GTF2H1: variants seen among roughly 807,000 people sequenced by gnomAD.
GTF2H1 encodes the protein BTF2 p62.
GTF2H1 carries 16 observed loss-of-function variants against 71.2 expected under a neutral mutation model. That is an observed-to-expected ratio of 0.22 (90% CI 0.15 to 0.34). The LOEUF (loss-of-function observed/expected upper bound fraction) is 0.34, where lower values mean the gene tolerates loss of function less well. Among genes scored for constraint, GTF2H1 ranks in the 10% least tolerant of loss-of-function variants. The pLI, the probability that GTF2H1 is intolerant of heterozygous loss-of-function variation, is 1.00. For synonymous variants in GTF2H1, 215 were observed against 219.0 expected (o/e 0.98, Z 0.16); for missense variants, 498 against 648.2 (o/e 0.77, Z 2.52).
At position 18,360,710 on chromosome 11, in the gene GTF2H1, A is replaced by G. The variant is rs144296744; in HGVS notation, c.1560+3A>G. The G allele has an allele frequency of 1.7e-5, 25 of 1,475,516 alleles. No individual in the cohort carries two copies. Among genetic ancestry groups the G allele is most frequent in the Non-Finnish European group, 2.2e-5 (24 of 1,081,222 alleles). The allele number at this position is 1,475,516 out of a possible 1,614,324, so 91.4% of individuals were successfully genotyped here. ...GGAGACAGTATTTAAGCACAAATGT[A>G]AGGCAGCAATCTGATTTTTGCCTGA... is the stretch of plus-strand genomic sequence containing the variant. On this transcript the variant is annotated splice_donor_region_variant and intron_variant, in intron 14 of 14. Coordinates refer to ENST00000265963, the MANE Select transcript of GTF2H1 (RefSeq NM_005316.4).
rs771560458 is a variant in GTF2H1 at position 18,358,512 on chromosome 11, T to C, written c.1352-13T>C. On this transcript the variant is annotated splice_polypyrimidine_tract_variant and intron_variant, in intron 12 of 14. Transcript: ENST00000265963. ...ATAGCTCTTAACCTATGGGCCTTGT[T>C]CTTCTTTTGCAGAGATGGTGCCAAA... is the stretch of plus-strand genomic sequence containing the variant. 6.8e-7 allele frequency: 1 copy of C among 1,480,370 alleles called. No individual in the cohort carries two copies. 91.7% of individuals were successfully genotyped at this position (1,480,370 alleles called of 1,614,324 possible). A position where few individuals can be genotyped will look rare whatever the true frequency, so the allele number is the denominator to read the frequency against.
intron 1 of GTF2H1, among the ~76,000 whole-genome samples, chr11:18,332,116 C>T (rs1304343309): frequency 6.6e-6 from 1 of 152,152 alleles, no homozygotes; most frequent in East Asian, 1.9e-4. Flanking sequence ...GTGTAAGCCA[C>T]ATCACTTGGC....
intron 7 of GTF2H1, among the ~76,000 whole-genome samples, chr11:18,345,565 C>T (rs1257520063): frequency 6.8e-6 from 1 of 146,938 alleles, no homozygotes; most frequent in South Asian, 2.2e-4. Flanking sequence ...GTGGCGTGAT[C>T]TCAGCTCACT....
At chr11:18,328,368 C>T (rs576739814) in intron 1 of GTF2H1, among the ~76,000 whole-genome samples, 13 of 151,284 alleles carry the variant, frequency 8.6e-5, no homozygotes, top group South Asian at 2.1e-4. Context: ...AAAAATTAGC[C>T]GGGCGTGGTG....
chr11:18,336,201 G>A (rs577641115), intron 3 of GTF2H1, among the ~76,000 whole-genome samples: 6 of 151,850 alleles, frequency 4.0e-5, no homozygotes, highest in Non-Finnish European at 4.4e-5. Context: ...ATCTTGGCTC[G>A]CTGCAACCTC....
chr11:18,333,034 T>C, intron 1 of GTF2H1, 26 bp from the exon 2 acceptor site: 1 of 1,547,028 alleles, frequency 6.5e-7, no homozygotes, highest in South Asian at 1.2e-5. Flanking sequence ...AATAGTTTTT[T>C]TCTTCATCTT....
chr11:18,356,338 A>G (rs1186349256), intron 11 of GTF2H1, among the ~76,000 whole-genome samples: 1 of 147,344 alleles, frequency 6.8e-6, no homozygotes. Context: ...AGATCGCACC[A>G]CTGCACTCCA....
At chr11:18,327,985 A>T (rs968157587) in intron 1 of GTF2H1, among the ~76,000 whole-genome samples, 2 of 147,842 alleles carry the variant, frequency 1.4e-5, no homozygotes, top group African/African-American at 5.0e-5. Context: ...GAGGCGGGGG[A>T]TCACTAGGTC....
intron 9 of GTF2H1, 87 bp downstream of exon 9, chr11:18,348,006 T>C: frequency 1.2e-6 from 1 of 844,378 alleles, no homozygotes; most frequent in Non-Finnish European, 2.0e-6. Context: ...GCTTATTTCC[T>C]GTGACTCAGT....
Position 18,347,574 on chromosome 11 carries a change from A to T in GTF2H1, c.838-14A>T. The T allele has an allele frequency of 6.4e-7, 1 of 1,559,266 alleles. No individual in the cohort carries two copies. The highest frequency in any genetic ancestry group is 8.7e-7 in the Non-Finnish European group (1 of 1,154,376). ...AACCTTTTTAAAAAATTTTTAATCT[A>T]TTATTTCTCACAGGGCTATGGCATT... On this transcript the variant is annotated splice_polypyrimidine_tract_variant and intron_variant, in intron 7 of 14. Coordinates refer to ENST00000265963, the MANE Select transcript of GTF2H1 (RefSeq NM_005316.4).
At chr11:18,358,456 G>A in intron 12 of GTF2H1, 69 bp from the exon 13 acceptor site, 2 of 813,186 alleles carry the variant, frequency 2.5e-6, no homozygotes, top group Admixed American at 4.2e-5. Context: ...TTCTCTGAGT[G>A]GTCATTTTTT....
chr11:18,353,779 C>T (rs2133982906), intron 11 of GTF2H1, among the ~76,000 whole-genome samples: 1 of 152,232 alleles, frequency 6.6e-6, no homozygotes, highest in Middle Eastern at 3.4e-3. Context: ...AATATGTTTT[C>T]CAACCCATTT....
intron 9 of GTF2H1, chr11:18,351,651 T>G (rs1196172546): frequency 1.7e-5 from 5 of 289,450 alleles, no homozygotes; most frequent in Non-Finnish European, 3.2e-5. Context: ...TTGGCAAAAG[T>G]AAAAAGTTCA....
chr11:18,366,039 A>G lies in GTF2H1; in HGVS notation c.*170A>G, dbSNP rs1865817389. The G allele has an allele frequency of 2.0e-5, 12 of 595,256 alleles. No individual in the cohort carries two copies. The highest frequency in any genetic ancestry group is 3.6e-5 in the Non-Finnish European group (12 of 333,442). 36.9% of individuals were successfully genotyped at this position (595,256 alleles called of 1,614,324 possible). ...TATTGTACTTGCACATTGGAGACTG[A>G]AAGGAAAGAAGGGACTAAATGCTGG... On this transcript the variant is annotated 3_prime_UTR_variant, in exon 15 of 15. Coordinates refer to ENST00000265963, the MANE Select transcript of GTF2H1 (RefSeq NM_005316.4).
At chr11:18,364,651 G>A (rs1036536145) in intron 14 of GTF2H1, among the ~76,000 whole-genome samples, 1 of 152,056 alleles carries the variant, frequency 6.6e-6, no homozygotes, top group Non-Finnish European at 1.5e-5. Flanking sequence ...CATGATGAGG[G>A]CAAAATTCTT....
rs1231110465 is a variant in GTF2H1, at chr11:18,341,677, A to C, written c.837+70A>C. 6.5e-6 allele frequency: 6 copies of C among 918,216 alleles called. No individual in the cohort carries two copies. The African/African-American group carries it at 6.7e-5, about 10-fold the overall frequency. The allele number at this position is 918,216 out of a possible 1,614,324, so 56.9% of individuals were successfully genotyped here. A position where few individuals can be genotyped will look rare whatever the true frequency, so the allele number is the denominator to read the frequency against. On this transcript the variant is annotated intron_variant, in intron 7 of 14. Coordinates refer to ENST00000265963, the MANE Select transcript of GTF2H1 (RefSeq NM_005316.4). ...TAGTCTTCAACATTGTCTTAAGCGT[A>C]GTAGACCTATTCCACTTGTGAGAAT...
chr11:18,363,586 A>C (rs964909452), intron 14 of GTF2H1, among the ~76,000 whole-genome samples: 4 of 152,206 alleles, frequency 2.6e-5, no homozygotes, highest in Admixed American at 6.5e-5. Flanking sequence ...TTGAAAGCTG[A>C]AAAATCATCA....
intron 14 of GTF2H1, among the ~76,000 whole-genome samples, chr11:18,361,362 C>T (rs533085858): frequency 6.6e-6 from 1 of 152,200 alleles, no homozygotes; most frequent in Admixed American, 6.5e-5. Context: ...TCCATGCTTT[C>T]CCTTAGAAAA....
At chr11:18,353,159 A>C (rs1289033537) in intron 11 of GTF2H1, among the ~76,000 whole-genome samples, 1 of 152,256 alleles carries the variant, frequency 6.6e-6, no homozygotes, top group Non-Finnish European at 1.5e-5. Context: ...TGGAAGGCAG[A>C]GGTTACAGTG....
Sources: allele counts gnomAD v4.1 joint callset (sites outside exome capture counted in the v4.1 genomes callset), GRCh38; gene constraint gnomAD v4.1.1; transcripts MANE v1.5; gene names NCBI Gene and HGNC (gene_info 2026-07-23, HGNC 2026-07-21).